ERBB4: variants seen among roughly 807,000 people sequenced by gnomAD.
ERBB4 encodes the protein receptor tyrosine-protein kinase erbB-4.
A neutral mutation model predicts 158.0 loss-of-function variants in ERBB4; 42 were observed. The ratio of observed to expected loss-of-function variants is 0.27; its 90% CI spans 0.21 to 0.34. The LOEUF (loss-of-function observed/expected upper bound fraction) is 0.34. Ranked by LOEUF, ERBB4 falls within the 10% of genes least tolerant of loss-of-function variation. The pLI is 1.00. For missense variants in ERBB4, 1,333 were observed against 1,624.1 expected (o/e 0.82, Z 3.08); for synonymous variants, 583 against 558.7 (o/e 1.04, Z -0.61).
chr2:211,757,592 A>G (rs1430554451), intron 4 of ERBB4, among the ~76,000 whole-genome samples: 19 of 152,228 alleles, frequency 1.2e-4, no homozygotes, highest in Non-Finnish European at 5.9e-5. Flanking sequence ...TAAAATGCAC[A>G]GAAGTGTCTG....
intron 20 of ERBB4, among the ~76,000 whole-genome samples, chr2:211,497,678 T>C (rs573161811): frequency 6.6e-6 from 1 of 152,252 alleles, no homozygotes. Context: ...AGTGATTGAA[T>C]ATGCTATAGG....
At chr2:212,426,847 A>T (rs2091924238) in intron 1 of ERBB4, among the ~76,000 whole-genome samples, 1 of 152,128 alleles carries the variant, frequency 6.6e-6, no homozygotes, top group African/African-American at 2.4e-5. Flanking sequence ...CGGGGTAGCC[A>T]TACTCTAGCC....
At chr2:211,554,644 C>A (rs2067190434) in intron 20 of ERBB4, among the ~76,000 whole-genome samples, 1 of 152,192 alleles carries the variant, frequency 6.6e-6, no homozygotes, top group African/African-American at 2.4e-5. Context: ...AACCTTGGTC[C>A]CAGGATCTGT....
intron 1 of ERBB4, among the ~76,000 whole-genome samples, chr2:212,147,071 G>A (rs2125619075): frequency 7.2e-6 from 1 of 137,970 alleles, no homozygotes; most frequent in East Asian, 2.1e-4. Flanking sequence ...GTTCACTGCA[G>A]CCTCCATCTC....
At chr2:212,422,969 G>A (rs1266647255) in intron 1 of ERBB4, among the ~76,000 whole-genome samples, 1 of 152,060 alleles carries the variant, frequency 6.6e-6, no homozygotes, top group Non-Finnish European at 1.5e-5. Context: ...ATACCACAGA[G>A]TACAATAGCT....
chr2:211,496,556 A>G (rs900218486), intron 20 of ERBB4, among the ~76,000 whole-genome samples: 7 of 152,086 alleles, frequency 4.6e-5, no homozygotes, highest in African/African-American at 1.7e-4. Flanking sequence ...AAAAAATCCA[A>G]ATGATGACTA....
chr2:212,177,659 GTTCATTCA>G (rs1460612288), intron 1 of ERBB4, among the ~76,000 whole-genome samples: 4 of 151,932 alleles, frequency 2.6e-5, no homozygotes, highest in Middle Eastern at 3.4e-3. Flanking sequence ...TACACCAGCT[GTTCATTCA>G]TTCTTTCATT....
At chr2:212,365,108 A>G (rs767700450) in intron 1 of ERBB4, among the ~76,000 whole-genome samples, 1 of 151,754 alleles carries the variant, frequency 6.6e-6, no homozygotes, top group African/African-American at 2.4e-5. Flanking sequence ...AACAGAAATT[A>G]GCCTTTCTGT....
At chr2:211,614,335 T>A (rs1349723096) in intron 19 of ERBB4, among the ~76,000 whole-genome samples, 1 of 151,994 alleles carries the variant, frequency 6.6e-6, no homozygotes, top group Non-Finnish European at 1.5e-5. Flanking sequence ...AAAGAATGAA[T>A]AAGGCCTACT....
intron 5 of ERBB4, among the ~76,000 whole-genome samples, chr2:211,737,741 A>G (rs1447151722): frequency 3.3e-5 from 5 of 152,166 alleles, no homozygotes; most frequent in African/African-American, 1.2e-4. Context: ...CATGCAGTGA[A>G]CATTATATAA....
chr2:211,827,563 G>T (rs948384776), intron 3 of ERBB4, among the ~76,000 whole-genome samples: 9 of 148,766 alleles, frequency 6.0e-5, no homozygotes, highest in Admixed American at 2.0e-4. Flanking sequence ...AGACAAAGTG[G>T]TTTTTTTTTC....
chr2:211,496,331 A>C (rs1282384610), intron 20 of ERBB4, among the ~76,000 whole-genome samples: 1 of 151,920 alleles, frequency 6.6e-6, no homozygotes, highest in Non-Finnish European at 1.5e-5. Flanking sequence ...ACAGTTCCCT[A>C]CTTGACACTT....
At chr2:212,366,997 G>T (rs1040038488) in intron 1 of ERBB4, among the ~76,000 whole-genome samples, 1 of 151,858 alleles carries the variant, frequency 6.6e-6, no homozygotes, top group African/African-American at 2.4e-5. Flanking sequence ...TTTCAGGAAG[G>T]TTAAACAAGG....
At chr2:212,424,843 T>C (rs1013230903) in intron 1 of ERBB4, among the ~76,000 whole-genome samples, 4 of 152,080 alleles carry the variant, frequency 2.6e-5, no homozygotes, top group African/African-American at 9.7e-5. Context: ...GAAAAAGCCT[T>C]TTACTTATCT....
At chr2:212,260,081 AAAAAG>A (rs1553606476) in intron 1 of ERBB4, among the ~76,000 whole-genome samples, 8 of 148,900 alleles carry the variant, frequency 5.4e-5, no homozygotes, top group African/African-American at 1.8e-4. Context: ...AAAAAAAAAA[AAAAAG>A]AAAAGAAAAG....
intron 1 of ERBB4, among the ~76,000 whole-genome samples, chr2:212,149,767 T>A (rs549531552): frequency 2.0e-5 from 3 of 152,196 alleles, no homozygotes; most frequent in Non-Finnish European, 4.4e-5. Context: ...CTTTCTGAAC[T>A]GATTATGCAC....
At chr2:211,670,424 TA>T (rs1574957262) in intron 14 of ERBB4, among the ~76,000 whole-genome samples, 1 of 152,204 alleles carries the variant, frequency 6.6e-6, no homozygotes, top group East Asian at 1.9e-4. Context: ...TTTGGAGTTC[TA>T]AAAATGTATA....
In ERBB4 at chr2:212,124,766, G is replaced by C; in HGVS notation, c.220C>G (p.Leu74Val). ...CACAGCTTTACCCGCAGGAAGGAGA[G>C]GTCCCGGTTGTGCTCAATGCTGGTT... ...EITSIEHNRD[L>V]SFLRSVREVT... The change falls in exon 2 of 28, where the codon CTC becomes GTC. Residue 74 changes from leucine to valine, a missense_variant. Physicochemically the swap from Leu to Val is conservative, Grantham distance 32. This residue lies in a region of ERBB4 where 438 missense variants were observed against 586.9 expected (regional missense o/e 0.75). Transcript: ENST00000342788. 3 of 1,614,158 alleles carry C rather than the reference G, an allele frequency of 1.9e-6. No individual in the cohort carries two copies. The highest frequency in any genetic ancestry group is 1.7e-6 in the Non-Finnish European group (2 of 1,180,000).
At chr2:211,482,731 C>A (rs1191933754) in intron 20 of ERBB4, among the ~76,000 whole-genome samples, 1 of 152,096 alleles carries the variant, frequency 6.6e-6, no homozygotes, top group Non-Finnish European at 1.5e-5. Context: ...CATGGAGAAA[C>A]CCTGTCTCTA....
Sources: gnomAD v4.1 joint callset for allele counts (sites outside exome capture counted in the v4.1 genomes callset) on GRCh38, gnomAD v4.1.1 for gene constraint, gnomAD v4.1.1 regional missense constraint, MANE v1.5 for transcripts, NCBI Gene and HGNC (gene_info 2026-07-23, HGNC 2026-07-21) for gene names.